Variants in PSME4 observed in about 807,000 individuals in gnomAD.
PSME4 encodes proteasome activator subunit 4.
A neutral mutation model predicts 253.9 loss-of-function variants in PSME4; 89 were observed. The observed-to-expected ratio is 0.35, with a 90% CI of 0.30 to 0.42. PSME4 has a LOEUF of 0.42. Ranked by LOEUF, PSME4 falls within the 10% of genes least tolerant of loss-of-function variation. The probability of loss-of-function intolerance (pLI) is 1.00; values close to 1 mark genes in which losing one functional copy is unlikely to be tolerated. For missense variants in PSME4, 2,014 were observed against 2,195.2 expected, an observed-to-expected ratio of 0.92 and a Z score of 1.65; for synonymous variants, 851 against 759.2, an observed-to-expected ratio of 1.12 and a Z score of -1.99.
intron 41 of PSME4, among the ~76,000 whole-genome samples, chr2:53,877,261 A>AG (rs1375048605): frequency 1.3e-5 from 2 of 151,346 alleles, no homozygotes; most frequent in East Asian, 3.9e-4. Flanking sequence ...AAAAAAAAAA[A>AG]AAAAAAAAAT....
chr2:53,931,108 T>C lies in PSME4; in HGVS notation c.1316+727A>G, dbSNP rs190270432. ...GCCTGGCCAACATGGTGAAACGCCGTCTCTACTAAAAATACAAAAATTAGC... is the reference window on the plus strand; with the variant it reads ...GCCTGGCCAACATGGTGAAACGCCGCCTCTACTAAAAATACAAAAATTAGC... On this transcript the variant is annotated intron_variant, in intron 10 of 46. Coordinates refer to ENST00000404125, the MANE Select transcript of PSME4 (RefSeq NM_014614.3). Among the ~76,000 whole-genome samples, 139 of 152,130 alleles carry C rather than the reference T, an allele frequency of 9.1e-4. 5 individuals are homozygous for C. The East Asian group carries it at 0.022, about 25-fold the overall frequency.
At chr2:53,917,858 G>T (rs1668128169) in intron 20 of PSME4, among the ~76,000 whole-genome samples, 1 of 152,012 alleles carries the variant, frequency 6.6e-6, no homozygotes, top group Non-Finnish European at 1.5e-5. Flanking sequence ...AATGAATTCT[G>T]GTACAACTGC....
intron 1 of PSME4, among the ~76,000 whole-genome samples, chr2:53,950,929 T>C (rs116542392): frequency 0.011 from 1,669 of 151,276 alleles, 31 homozygotes; most frequent in African/African-American, 0.039. Context: ...AAGTAACTGA[T>C]CCAAATAAAT....
rs532810698 is a variant in PSME4 at position 53,928,291 on chromosome 2, T to C, written c.1329A>G (p.Ala443=). The change falls in exon 11 of 47, where the codon GCA becomes GCG. Residue 443 remains alanine (A), a synonymous_variant. Coordinates refer to ENST00000404125, the MANE Select transcript of PSME4 (RefSeq NM_014614.3). ...GGTGAGGTTCTGTTAATGTCTCTAATGCAGGATATGTTCTACAGTTTGAAA... is the reference window on the plus strand; with the variant it reads ...GGTGAGGTTCTGTTAATGTCTCTAACGCAGGATATGTTCTACAGTTTGAAA... ...IPPVLERTYP[A]LETLTEPHQL... 2.6e-5 allele frequency: 42 copies of C among 1,613,948 alleles called. No individual in the cohort carries two copies. In the East Asian group the frequency reaches 7.4e-4, roughly 28 times the overall value.
At chr2:53,866,329 A>G in intron 45 of PSME4, 106 bp from the exon 46 acceptor site, 1 of 1,244,294 alleles carries the variant, frequency 8.0e-7, no homozygotes, top group Non-Finnish European at 1.1e-6. Context: ...CAGATCTCAC[A>G]CAATACCAAG....
intron 20 of PSME4, among the ~76,000 whole-genome samples, chr2:53,912,160 T>G (rs1667855904): frequency 2.6e-5 from 4 of 152,128 alleles, no homozygotes; most frequent in Admixed American, 2.0e-4. Context: ...ACACGCAGAT[T>G]TTTTTTTCAA....
Position 53,887,924 on chromosome 2 carries a change from C to T in PSME4, c.4454G>A (p.Arg1485Lys). 6.2e-7 allele frequency: 1 copy of T among 1,607,716 alleles called. No individual in the cohort carries two copies. Among genetic ancestry groups the T allele is most frequent in the African/African-American group, 1.3e-5 (1 of 74,856 alleles). Reference sequence around the variant, plus strand: ...TTTGGGTTCCAAGTACTTCAGTAGTCTGTGCAATAGTTCAGGCACTCTCCA... The same window carrying T: ...TTTGGGTTCCAAGTACTTCAGTAGTTTGTGCAATAGTTCAGGCACTCTCCA... ...QEWRVPELLH[R>K]LLKYLEPKLT... Residue 1485 changes from arginine (R) to lysine (K), a missense_variant, in exon 39 of 47, where the codon AGA (arginine) becomes AAA (lysine). Physicochemically the swap from Arg to Lys is conservative, Grantham distance 26. Transcript: ENST00000404125.
At chr2:53,948,994 T>G in intron 2 of PSME4, 149 bp downstream of exon 2, 1 of 1,121,380 alleles carries the variant, frequency 8.9e-7, no homozygotes, top group Non-Finnish European at 1.2e-6. Flanking sequence ...CTGACACATT[T>G]GATGAAAATT....
intron 3 of PSME4, among the ~76,000 whole-genome samples, chr2:53,941,204 C>T (rs1669438533): frequency 1.4e-5 from 2 of 145,012 alleles, no homozygotes; most frequent in Non-Finnish European, 3.0e-5. Flanking sequence ...AATCTCATTA[C>T]TTGGAGCAGT....
At chr2:53,970,505 T>C (rs1344254354) in intron 1 of PSME4, 38 bp downstream of exon 1, 3 of 1,547,598 alleles carry the variant, frequency 1.9e-6, no homozygotes, top group African/African-American at 1.4e-5. Context: ...CACTGAGCCT[T>C]TCCCCCCGGC....
At chr2:53,961,583 T>C (rs1670498109) in intron 1 of PSME4, among the ~76,000 whole-genome samples, 1 of 151,898 alleles carries the variant, frequency 6.6e-6, no homozygotes, top group Admixed American at 6.6e-5. Context: ...GAGGCTGAGA[T>C]GGGAAGATCG....
chr2:53,892,434 C>A (rs2068017), intron 36 of PSME4, among the ~76,000 whole-genome samples: 30,224 of 152,122 alleles, frequency 0.2, 3,716 homozygotes, highest in African/African-American at 0.34. Context: ...AGAGAAAGGA[C>A]TTAATGAGAA....
At position 53,963,305 on chromosome 2, in the gene PSME4, TG is replaced by T. The variant is rs1239764611; in HGVS notation, c.242+7237del. Among the ~76,000 whole-genome samples the T allele has an allele frequency of 2.0e-5, 3 of 151,996 alleles. No homozygotes were observed. The South Asian group carries it at 6.2e-4, about 32-fold the overall frequency. ...GATTGCACTCCCTATGATTCCAGCC[TG>T]GGTAAGAGACCAAGACCATCTCTTC... is the stretch of plus-strand genomic sequence containing the variant. On this transcript the variant is annotated intron_variant, in intron 1 of 46. Transcript: ENST00000404125.
At chr2:53,960,810 T>G (rs915839129) in intron 1 of PSME4, among the ~76,000 whole-genome samples, 1 of 152,192 alleles carries the variant, frequency 6.6e-6, no homozygotes, top group African/African-American at 2.4e-5. Context: ...TCACCTGGTT[T>G]GAAAACCACT....
intron 3 of PSME4, among the ~76,000 whole-genome samples, chr2:53,947,177 T>C (rs1488537001): frequency 6.6e-6 from 1 of 152,152 alleles, no homozygotes; most frequent in Non-Finnish European, 1.5e-5. Context: ...ACTTACACCA[T>C]TTCACATTTG....
At chr2:53,903,062 A>G (rs1056391692) in intron 27 of PSME4, among the ~76,000 whole-genome samples, 1 of 152,016 alleles carries the variant, frequency 6.6e-6, no homozygotes, top group Non-Finnish European at 1.5e-5. Flanking sequence ...CAGCTCTTCT[A>G]TTTGGCTTCT....
intron 1 of PSME4, among the ~76,000 whole-genome samples, chr2:53,949,849 T>G (rs553774871): frequency 6.6e-6 from 1 of 152,316 alleles, no homozygotes; most frequent in South Asian, 2.1e-4. Flanking sequence ...AAAATTAAGA[T>G]AAACTTGATA....
rs1000564149 is a variant in PSME4 at position 53,970,810 on chromosome 2, C to G, written c.-26G>C. On this transcript the variant is annotated 5_prime_UTR_variant, in exon 1 of 47. Transcript: ENST00000404125. ...GAGCCCAGGGACACCCCCCCCACCC[C>G]CTCCCACCCGAACCCTCCCCGGCCC... is the stretch of plus-strand genomic sequence containing the variant. 1.1e-5 allele frequency: 16 copies of G among 1,492,450 alleles called. No individual in the cohort carries two copies. The highest frequency in any genetic ancestry group is 2.5e-5 in the East Asian group (1 of 39,942). 92.5% of individuals were successfully genotyped at this position (1,492,450 alleles called of 1,614,324 possible). A position where few individuals can be genotyped will look rare whatever the true frequency, so the allele number is the denominator to read the frequency against.
At chr2:53,935,414 T>G in intron 7 of PSME4, among the ~76,000 whole-genome samples, 1 of 152,152 alleles carries the variant, frequency 6.6e-6, no homozygotes, top group Non-Finnish European at 1.5e-5. Context: ...TGCTCTAATG[T>G]AAGTGTGTGC....
Sources: gnomAD v4.1 joint callset for allele counts (sites outside exome capture counted in the v4.1 genomes callset) on GRCh38, gnomAD v4.1.1 for gene constraint, MANE v1.5 for transcripts, NCBI Gene and HGNC (gene_info 2026-07-23, HGNC 2026-07-21) for gene names.